Variants in SDK1 observed in about 807,000 individuals in gnomAD.
SDK1 encodes protein sidekick-1.
A neutral mutation model predicts 245.5 loss-of-function variants in SDK1; 157 were observed. That is an observed-to-expected ratio of 0.64 (90% confidence interval 0.56 to 0.73). SDK1 has a LOEUF of 0.73. Among genes scored for constraint, SDK1 ranks in the 30% least tolerant of loss-of-function variants. The pLI is 0.00. For synonymous variants in SDK1, 1,647 were observed against 1,278.5 expected (o/e 1.29, Z -6.15); for missense variants, 3,583 against 3,002.3 (o/e 1.19, Z -4.52).
chr7:3,415,768 T>G (rs1779348359), intron 1 of SDK1, among the ~76,000 whole-genome samples: 1 of 151,482 alleles, frequency 6.6e-6, no homozygotes, highest in Non-Finnish European at 1.5e-5. Flanking sequence ...TACATGACTG[T>G]ACATTTCTTC....
At chr7:3,582,104 G>A (rs1201348123) in intron 1 of SDK1, among the ~76,000 whole-genome samples, 124 of 145,206 alleles carry the variant, frequency 8.5e-4, no homozygotes, top group African/African-American at 2.7e-3. Flanking sequence ...TCTCAGGTAG[G>A]TCTCCCTCAG....
chr7:3,864,057 A>C (rs1398952740), intron 5 of SDK1, among the ~76,000 whole-genome samples: 1 of 152,180 alleles, frequency 6.6e-6, no homozygotes, highest in East Asian at 1.9e-4. Flanking sequence ...CACAGTGCAC[A>C]CAGGTTCCAA....
At chr7:3,398,549 A>T (rs1397034534) in intron 1 of SDK1, among the ~76,000 whole-genome samples, 1 of 152,072 alleles carries the variant, frequency 6.6e-6, no homozygotes, top group Non-Finnish European at 1.5e-5. Context: ...TATAGAACAG[A>T]AGGCTCCGGG....
intron 1 of SDK1, among the ~76,000 whole-genome samples, chr7:3,536,533 A>G (rs933813362): frequency 6.6e-6 from 1 of 151,770 alleles, no homozygotes; most frequent in Non-Finnish European, 1.5e-5. Context: ...AAACAAAAAA[A>G]CCCCACAAAA....
chr7:3,354,731 G>A (rs1780747736), intron 1 of SDK1, among the ~76,000 whole-genome samples: 2 of 152,196 alleles, frequency 1.3e-5, no homozygotes, highest in Non-Finnish European at 1.5e-5. Context: ...TAGCTAATAT[G>A]TTAACCCCTG....
intron 14 of SDK1, among the ~76,000 whole-genome samples, chr7:4,008,811 A>T (rs2128147998): frequency 6.6e-6 from 1 of 152,316 alleles, no homozygotes; most frequent in East Asian, 1.9e-4. Context: ...CATATCCCTC[A>T]GGTTGCTTCT....
chr7:3,435,734 C>T (rs1283191343), intron 1 of SDK1, among the ~76,000 whole-genome samples: 1 of 152,144 alleles, frequency 6.6e-6, no homozygotes, highest in African/African-American at 2.4e-5. Flanking sequence ...CTAAGTCCAA[C>T]TCCCACTGCC....
At position 3,843,585 on chromosome 7, in the gene SDK1, AAATT is replaced by A. The variant is rs558662454; in HGVS notation, c.847+22008_847+22011del. 1.3e-3 allele frequency among the ~76,000 whole-genome samples: 195 copies of A among 152,330 alleles called. 1 individual carries two copies. The highest frequency in any genetic ancestry group is 3.5e-3 in the African/African-American group (144 of 41,584). ...TTTTAATTCATTATGCTTTTGATGG[AAATT>A]AATTAGTTTCTTTTAGATCTAAAAC... is the stretch of plus-strand genomic sequence containing the variant. On this transcript the variant is annotated intron_variant, in intron 5 of 44. Coordinates refer to ENST00000404826, the MANE Select transcript of SDK1 (RefSeq NM_152744.4).
At chr7:3,701,150 A>G (rs1458130272) in intron 4 of SDK1, among the ~76,000 whole-genome samples, 1 of 152,248 alleles carries the variant, frequency 6.6e-6, no homozygotes, top group Non-Finnish European at 1.5e-5. Flanking sequence ...ATTTCTATAC[A>G]GTAGCAGTAA....
In SDK1 at chr7:3,476,403, A is replaced by G. The variant is rs187863765; in HGVS notation, c.299-142677A>G. On this transcript the variant is annotated intron_variant, in intron 1 of 44. Transcript: ENST00000404826. Reference sequence around the variant, plus strand: ...GCAAAAGGTGAGTGGTAGTTCCAGTACTTCTTTTCCTTTAACCAGACATTA... The same window carrying G: ...GCAAAAGGTGAGTGGTAGTTCCAGTGCTTCTTTTCCTTTAACCAGACATTA... Among the ~76,000 whole-genome samples the G allele has an allele frequency of 4.2e-3, 638 of 152,316 alleles. 3 individuals are homozygous for G. The highest frequency in any genetic ancestry group is 6.7e-3 in the Non-Finnish European group (454 of 68,020).
chr7:3,403,837 ATATATATATAT>A (rs1562465995), intron 1 of SDK1, among the ~76,000 whole-genome samples: 3 of 54,978 alleles, frequency 5.5e-5, no homozygotes, highest in African/African-American at 5.1e-4. Flanking sequence ...ATATATATAT[ATATATATATAT>A]ATATATATAT....
At chr7:3,906,232 C>T (rs1778917663) in intron 5 of SDK1, among the ~76,000 whole-genome samples, 1 of 152,090 alleles carries the variant, frequency 6.6e-6, no homozygotes, top group South Asian at 2.1e-4. Flanking sequence ...ACCTTTTCAT[C>T]GTGTTCTATT....
intron 1 of SDK1, among the ~76,000 whole-genome samples, chr7:3,599,774 G>A (rs543927147): frequency 1.3e-5 from 2 of 152,272 alleles, no homozygotes; most frequent in East Asian, 3.9e-4. Flanking sequence ...CTTGTGTTGA[G>A]TGTTTGCCAG....
chr7:3,394,980 C>G (rs1455262398), intron 1 of SDK1, among the ~76,000 whole-genome samples: 2 of 151,976 alleles, frequency 1.3e-5, no homozygotes, highest in Non-Finnish European at 1.5e-5. Context: ...TCTTTACAAA[C>G]CGAATGTCTT....
intron 44 of SDK1, among the ~76,000 whole-genome samples, chr7:4,248,956 C>T (rs995412692): frequency 2.7e-5 from 4 of 147,838 alleles, no homozygotes; most frequent in African/African-American, 1.1e-4. Flanking sequence ...ACATACATAC[C>T]TAAATACACA....
intron 38 of SDK1, among the ~76,000 whole-genome samples, chr7:4,214,842 C>A (rs889005315): frequency 6.6e-6 from 1 of 152,260 alleles, no homozygotes; most frequent in Admixed American, 6.5e-5. Flanking sequence ...GGGCCCCCGC[C>A]GGGGTCTTTC....
At chr7:3,432,411 T>C (rs1779880562) in intron 1 of SDK1, among the ~76,000 whole-genome samples, 1 of 152,116 alleles carries the variant, frequency 6.6e-6, no homozygotes, top group African/African-American at 2.4e-5. Context: ...ATTTGTACTA[T>C]GGCAATCTTA....
At chr7:4,219,040 C>T (rs936990966) in intron 38 of SDK1, among the ~76,000 whole-genome samples, 2 of 152,186 alleles carry the variant, frequency 1.3e-5, no homozygotes, top group African/African-American at 4.8e-5. Flanking sequence ...GTAATCCAAC[C>T]AGCAAGACTT....
At chr7:3,335,531 T>C (rs538993732) in intron 1 of SDK1, among the ~76,000 whole-genome samples, 5 of 152,242 alleles carry the variant, frequency 3.3e-5, no homozygotes, top group South Asian at 4.1e-4. Flanking sequence ...TGCTCAAATA[T>C]TTGCCAAATG....
Sources: allele counts gnomAD v4.1 joint callset (sites outside exome capture counted in the v4.1 genomes callset), GRCh38; gene constraint gnomAD v4.1.1; transcripts MANE v1.5; gene names NCBI Gene and HGNC (gene_info 2026-07-23, HGNC 2026-07-21).